The following HMCN1 variants were observed in gnomAD, a reference collection of about 807,000 sequenced individuals.
HMCN1 encodes the protein hemicentin 1.
HMCN1 carries 321 observed loss-of-function variants against 625.9 expected under a neutral mutation model. The ratio of observed to expected loss-of-function variants is 0.51; its 90% CI spans 0.47 to 0.56. The LOEUF (loss-of-function observed/expected upper bound fraction) is 0.56. HMCN1 is among the 20% of genes least tolerant of loss of function. The probability of loss-of-function intolerance (pLI) is 0.00; values close to 1 mark genes in which losing one functional copy is unlikely to be tolerated. For synonymous variants in HMCN1, 2,425 were observed against 2,417.6 expected (o/e 1.00, Z -0.09); for missense variants, 6,588 against 6,887.3 (o/e 0.96, Z 1.54).
intron 11 of HMCN1, among the ~76,000 whole-genome samples, chr1:185,957,777 A>G (rs1649727757): frequency 6.6e-6 from 1 of 152,208 alleles, no homozygotes; most frequent in Non-Finnish European, 1.5e-5. Flanking sequence ...CCACGTCACC[A>G]GAGAGAATAT....
At chr1:185,887,965 A>G (rs1439742174) in intron 4 of HMCN1, among the ~76,000 whole-genome samples, 1 of 141,572 alleles carries the variant, frequency 7.1e-6, no homozygotes, top group Non-Finnish European at 1.5e-5. Context: ...CCTCTCCAGC[A>G]CCTGTTGTTT....
At chr1:185,752,366 A>G (rs995055146) in intron 1 of HMCN1, among the ~76,000 whole-genome samples, 5 of 152,166 alleles carry the variant, frequency 3.3e-5, no homozygotes, top group African/African-American at 1.2e-4. Context: ...TCGTGCCGAC[A>G]TGGACATTAA....
At chr1:185,818,887 C>T (rs1215894525) in intron 1 of HMCN1, among the ~76,000 whole-genome samples, 1 of 151,346 alleles carries the variant, frequency 6.6e-6, no homozygotes, top group African/African-American at 2.4e-5. Context: ...TCTCCTTGAA[C>T]ATAAATAGTT....
Position 186,082,508 on chromosome 1 carries a change from C to T in HMCN1, c.8788-357C>T, listed in dbSNP as rs922318244. On this transcript the variant is annotated intron_variant, in intron 56 of 106. Transcript: ENST00000271588. ...TTTGAAATGACAGTCACTTCCGTCACGCTCTGTTGACCAAAGCCAGTCACA... is the reference window on the plus strand; with the variant it reads ...TTTGAAATGACAGTCACTTCCGTCATGCTCTGTTGACCAAAGCCAGTCACA... Among the ~76,000 whole-genome samples the T allele has an allele frequency of 5.3e-5, 8 of 152,172 alleles. No homozygotes were observed. In the East Asian group the frequency reaches 7.7e-4, roughly 15 times the overall value.
intron 97 of HMCN1, among the ~76,000 whole-genome samples, chr1:186,157,342 C>T (rs1419393517): frequency 6.6e-6 from 1 of 152,080 alleles, no homozygotes; most frequent in African/African-American, 2.4e-5. Flanking sequence ...CAAAGTAACA[C>T]ACTTTATAAT....
At position 186,172,121 on chromosome 1, in the gene HMCN1, A is replaced by T; in HGVS notation, c.15804A>T (p.Gly5268=). The T allele has an allele frequency of 6.2e-7, 1 of 1,613,750 alleles. No individual in the cohort carries two copies. Residue 5268 remains glycine (G), a synonymous_variant, in exon 102 of 107, where the codon GGA becomes GGT. Coordinates refer to ENST00000271588, the MANE Select transcript of HMCN1 (RefSeq NM_031935.3). ...CPNGMTKAEN[G]TCIDIDECKD... Reference sequence around the variant, plus strand: ...ATGGAATGACCAAGGCAGAAAATGGAACCTGTATTGGTGAGTGTCTGGCTG... The same window carrying T: ...ATGGAATGACCAAGGCAGAAAATGGTACCTGTATTGGTGAGTGTCTGGCTG...
At chr1:185,987,333 T>C in intron 19 of HMCN1, 99 bp from the exon 20 acceptor site, 1 of 799,554 alleles carries the variant, frequency 1.3e-6, no homozygotes, top group Non-Finnish European at 2.2e-6. Context: ...TGCTCATTTT[T>C]ACAAACATTG....
chr1:186,184,022 C>T (rs1571480539), intron 105 of HMCN1, among the ~76,000 whole-genome samples: 1 of 152,260 alleles, frequency 6.6e-6, no homozygotes, highest in East Asian at 1.9e-4. Flanking sequence ...AGATTTTATT[C>T]TCATTAGAGA....
At chr1:185,802,196 T>A (rs1159302341) in intron 1 of HMCN1, among the ~76,000 whole-genome samples, 3 of 152,040 alleles carry the variant, frequency 2.0e-5, no homozygotes, top group Admixed American at 6.6e-5. Context: ...ACACCTAAGT[T>A]TTTGGATTGT....
At chr1:185,967,573 C>A (rs1266433205) in intron 14 of HMCN1, among the ~76,000 whole-genome samples, 2 of 152,010 alleles carry the variant, frequency 1.3e-5, no homozygotes, top group East Asian at 1.9e-4. Flanking sequence ...AACTAACATA[C>A]CCTCCCAAGT....
At chr1:185,838,154 T>C (rs1661281553) in intron 1 of HMCN1, among the ~76,000 whole-genome samples, 2 of 152,130 alleles carry the variant, frequency 1.3e-5, no homozygotes, top group African/African-American at 4.8e-5. Flanking sequence ...GTTTGCCAGA[T>C]TCCCCTTCCC....
chr1:186,123,828 T>G (rs1661515026), intron 81 of HMCN1, among the ~76,000 whole-genome samples: 1 of 152,188 alleles, frequency 6.6e-6, no homozygotes, highest in Non-Finnish European at 1.5e-5. Flanking sequence ...GCTTCCAGCC[T>G]CTATTTTCAG....
At chr1:186,139,585 T>C (rs1249265002) in intron 89 of HMCN1, among the ~76,000 whole-genome samples, 4 of 151,850 alleles carry the variant, frequency 2.6e-5, no homozygotes, top group African/African-American at 9.7e-5. Flanking sequence ...TTGTTCACTA[T>C]TCTATTGGCT....
At chr1:185,879,207 G>C (rs557855618) in intron 4 of HMCN1, among the ~76,000 whole-genome samples, 1 of 152,216 alleles carries the variant, frequency 6.6e-6, no homozygotes, top group East Asian at 1.9e-4. Context: ...GTCTTACTCT[G>C]TTGCACAGGC....
chr1:185,961,216 A>G (rs1271873097), intron 11 of HMCN1, among the ~76,000 whole-genome samples: 1 of 152,186 alleles, frequency 6.6e-6, no homozygotes, highest in Non-Finnish European at 1.5e-5. Context: ...CCAGCATACC[A>G]TTTGTATCTC....
chr1:186,173,313 A>C (rs1018223169), intron 102 of HMCN1, among the ~76,000 whole-genome samples: 18 of 152,290 alleles, frequency 1.2e-4, no homozygotes, highest in African/African-American at 4.3e-4. Flanking sequence ...TAATTTAAAA[A>C]AACAACAACT....
intron 68 of HMCN1, among the ~76,000 whole-genome samples, chr1:186,101,964 A>G (rs1012363580): frequency 6.6e-6 from 1 of 152,154 alleles, no homozygotes; most frequent in Non-Finnish European, 1.5e-5. Context: ...GGACAATGTA[A>G]CCGTGATGGT....
intron 8 of HMCN1, 87 bp from the exon 9 acceptor site, chr1:185,924,960 A>G (rs1158464115): frequency 6.1e-6 from 7 of 1,152,144 alleles, no homozygotes; most frequent in Non-Finnish European, 7.6e-6. Flanking sequence ...AAGTATAAAG[A>G]TTTTGAATGG....
intron 1 of HMCN1, among the ~76,000 whole-genome samples, chr1:185,824,664 A>G (rs1476273712): frequency 6.6e-6 from 1 of 152,150 alleles, no homozygotes; most frequent in African/African-American, 2.4e-5. Context: ...CATGTCTACT[A>G]TATGTATTAC....
Sources: allele counts gnomAD v4.1 joint callset (sites outside exome capture counted in the v4.1 genomes callset), GRCh38; gene constraint gnomAD v4.1.1; transcripts MANE v1.5; gene names NCBI Gene and HGNC (gene_info 2026-07-23, HGNC 2026-07-21).